B3GALT1: variants seen among roughly 807,000 people sequenced by gnomAD.
The protein encoded by B3GALT1 is UDP-Gal:betaGlcNAc beta 1,3-galactosyltransferase, polypeptide 1.
B3GALT1 carries 10 observed loss-of-function variants against 23.2 expected under a neutral mutation model. The observed-to-expected ratio is 0.43, with a 90% CI of 0.27 to 0.73. The LOEUF (loss-of-function observed/expected upper bound fraction) is 0.73. Among genes scored for constraint, B3GALT1 ranks in the 30% least tolerant of loss-of-function variants. The pLI is 0.21. For missense variants in B3GALT1, 299 were observed against 405.4 expected, an observed-to-expected ratio of 0.74 and a Z score of 2.25; for synonymous variants, 156 against 141.5, an observed-to-expected ratio of 1.10 and a Z score of -0.73.
At chr2:167,502,963 T>C (rs1204630342) in intron 2 of B3GALT1, among the ~76,000 whole-genome samples, 1 of 152,056 alleles carries the variant, frequency 6.6e-6, no homozygotes, top group Non-Finnish European at 1.5e-5. Context: ...CACTTGAACC[T>C]GGGAGGCAGA....
intron 2 of B3GALT1, among the ~76,000 whole-genome samples, chr2:167,606,746 G>A (rs1653412): frequency 0.8 from 121,448 of 151,604 alleles, 48,711 homozygotes; most frequent in Admixed American, 0.87. Flanking sequence ...GAACTTCTAT[G>A]CTCTATTGAA....
chr2:167,390,853 G>A (rs893576293), intron 1 of B3GALT1, among the ~76,000 whole-genome samples: 7 of 152,068 alleles, frequency 4.6e-5, no homozygotes, highest in East Asian at 1.9e-4. Context: ...TTAATCTAAC[G>A]CAGTCATTGA....
At chr2:167,563,107 C>T (rs533561152) in intron 2 of B3GALT1, among the ~76,000 whole-genome samples, 13 of 152,134 alleles carry the variant, frequency 8.5e-5, no homozygotes, top group African/African-American at 1.4e-4. Flanking sequence ...CCTTTCCCCC[C>T]CTTCCATTCC....
chr2:167,693,243 A>G (rs1686741948), intron 3 of B3GALT1, among the ~76,000 whole-genome samples: 1 of 152,066 alleles, frequency 6.6e-6, no homozygotes, highest in Non-Finnish European at 1.5e-5. Context: ...GAAATTGAAT[A>G]CCAACTTGAA....
At chr2:167,511,074 A>G (rs1283529471) in intron 2 of B3GALT1, among the ~76,000 whole-genome samples, 1 of 152,216 alleles carries the variant, frequency 6.6e-6, no homozygotes, top group Non-Finnish European at 1.5e-5. Context: ...AATTTGCTCT[A>G]TGGGATAATC....
Position 167,869,535 on chromosome 2 carries a change from T to C in B3GALT1, c.496T>C (p.Phe166Leu). Residue 166 changes from phenylalanine to leucine, a missense_variant, in exon 5 of 5, where the codon TTT becomes CTT. Physicochemically the swap from Phe to Leu is conservative, Grantham distance 22. Coordinates refer to ENST00000392690, the MANE Select transcript of B3GALT1 (RefSeq NM_020981.4). This position sits in a 1 kb window ranked among gnomAD's most constrained non-coding sequence, Gnocchi z 6.4. ...AATGGGGATGAGATGGGTGGCCACT[T>C]TTTGTTCAAAAGCCAAGTATGTCAT... Reference protein sequence around the residue: ...TLMGMRWVATFCSKAKYVMKT... With the variant: ...TLMGMRWVATLCSKAKYVMKT... 2 of 1,614,076 alleles carry C rather than the reference T, an allele frequency of 1.2e-6. No individual in the cohort carries two copies. Among genetic ancestry groups the C allele is most frequent in the Non-Finnish European group, 1.7e-6 (2 of 1,180,030 alleles).
rs140498710 is a variant in B3GALT1 at position 167,608,255 on chromosome 2, TAG to T, written c.-409-38649_-409-38648del. Among the ~76,000 whole-genome samples the T allele has an allele frequency of 1.8e-3, 280 of 152,264 alleles. 2 individuals carry two copies. The East Asian group carries it at 0.034, about 19-fold the overall frequency. On this transcript the variant is annotated intron_variant, in intron 2 of 4. Coordinates refer to ENST00000392690, the MANE Select transcript of B3GALT1 (RefSeq NM_020981.4). ...AAACATAAGTGGACAACTAATAAGA[TAG>T]AGAGTTGCTTAGTAAATAGGGAATC...
chr2:167,403,049 T>A (rs988186654), intron 1 of B3GALT1, among the ~76,000 whole-genome samples: 2 of 151,976 alleles, frequency 1.3e-5, no homozygotes, highest in Non-Finnish European at 2.9e-5. Flanking sequence ...TATTATACTT[T>A]AAGTTCTAGG....
intron 1 of B3GALT1, among the ~76,000 whole-genome samples, chr2:167,376,474 G>C (rs923911689): frequency 3.3e-5 from 5 of 152,068 alleles, no homozygotes; most frequent in Non-Finnish European, 5.9e-5. Context: ...CTGGTCCAGG[G>C]CTTTCTTGGG....
chr2:167,641,069 G>A (rs563858120), intron 2 of B3GALT1, among the ~76,000 whole-genome samples: 2 of 152,234 alleles, frequency 1.3e-5, no homozygotes, highest in South Asian at 4.1e-4. Context: ...CTAGTAAACA[G>A]TAATTGAGAA....
intron 3 of B3GALT1, among the ~76,000 whole-genome samples, chr2:167,816,061 AG>A (rs1302545818): frequency 4.4e-4 from 67 of 152,364 alleles, no homozygotes; most frequent in African/African-American, 1.6e-3. Flanking sequence ...ATTACACTTT[AG>A]AAATCAGACT....
At chr2:167,670,156 C>G (rs927717360) in intron 3 of B3GALT1, among the ~76,000 whole-genome samples, 8 of 152,184 alleles carry the variant, frequency 5.3e-5, no homozygotes, top group African/African-American at 1.7e-4. Context: ...GAAGATTGTG[C>G]ATGAGTTCAT....
intron 1 of B3GALT1, among the ~76,000 whole-genome samples, chr2:167,317,914 A>G (rs1216157398): frequency 6.6e-6 from 1 of 152,162 alleles, no homozygotes; most frequent in African/African-American, 2.4e-5. Flanking sequence ...TAGAAGCTAA[A>G]TATAACCTGA....
chr2:167,445,215 C>T (rs1698960850), intron 1 of B3GALT1, among the ~76,000 whole-genome samples: 1 of 152,174 alleles, frequency 6.6e-6, no homozygotes, highest in Admixed American at 6.5e-5. Flanking sequence ...TTTGATTGCA[C>T]TGTGGTCTGA....
intron 4 of B3GALT1, among the ~76,000 whole-genome samples, chr2:167,829,338 C>T (rs1176612224): frequency 1.3e-5 from 2 of 151,926 alleles, no homozygotes; most frequent in African/African-American, 2.4e-5. Flanking sequence ...AAAAAATTAG[C>T]TGGGCCTGGT....
chr2:167,302,992 T>A (rs1325623282), intron 1 of B3GALT1, among the ~76,000 whole-genome samples: 2 of 152,230 alleles, frequency 1.3e-5, no homozygotes, highest in Non-Finnish European at 2.9e-5. Context: ...TAATATATTT[T>A]TGAGCAGCAC....
chr2:167,860,204 C>T (rs1559005874), intron 4 of B3GALT1, among the ~76,000 whole-genome samples: 2 of 152,284 alleles, frequency 1.3e-5, no homozygotes, highest in East Asian at 3.9e-4. Flanking sequence ...AATGAAGATA[C>T]TTTTTGATTT....
At chr2:167,674,562 T>TG (rs1686389981) in intron 3 of B3GALT1, among the ~76,000 whole-genome samples, 1 of 152,218 alleles carries the variant, frequency 6.6e-6, no homozygotes, top group Admixed American at 6.5e-5. Context: ...CTTAACTAAA[T>TG]AGTCCATCCA....
At chr2:167,431,669 T>C (rs1196761224) in intron 1 of B3GALT1, among the ~76,000 whole-genome samples, 3 of 152,168 alleles carry the variant, frequency 2.0e-5, no homozygotes, top group Non-Finnish European at 4.4e-5. Context: ...GTGAAGGAGG[T>C]GCATGCATGC....
Sources: allele counts gnomAD v4.1 joint callset (sites outside exome capture counted in the v4.1 genomes callset), GRCh38; gene constraint gnomAD v4.1.1; non-coding constraint Gnocchi (gnomAD v3.1); transcripts MANE v1.5; gene names NCBI Gene and HGNC (gene_info 2026-07-23, HGNC 2026-07-21).